Variants in SMTN observed in about 807,000 individuals in gnomAD.
SMTN encodes the protein smoothelin.
Under a neutral mutation model 102.0 loss-of-function variants are expected in SMTN, and 58 were observed. The ratio of observed to expected loss-of-function variants is 0.57; its 90% CI spans 0.46 to 0.71. The LOEUF (loss-of-function observed/expected upper bound fraction) is 0.71. SMTN is among the 30% of genes least tolerant of loss of function. SMTN has a pLI of 0.00. For synonymous variants in SMTN, 478 were observed against 497.9 expected, an observed-to-expected ratio of 0.96 and a Z score of 0.53; for missense variants, 1,185 against 1,241.7, an observed-to-expected ratio of 0.95 and a Z score of 0.69.
chr22:31,100,043 CCTT>C (rs35889287), intron 19 of SMTN, 147 bp downstream of exon 19: 123,379 of 769,218 alleles, frequency 0.16, 10,664 homozygotes, highest in Non-Finnish European at 0.17. Context: ...GAGTCCCCGT[CCTT>C]CTCCATCCCC....
Position 31,089,907 on chromosome 22 carries a change from C to T in SMTN, c.680C>T (p.Thr227Ile). ...GAGCCTGCCGAGGCCCAGTGCCTTACAGCTGAGGTTCCAGGCAGCCCAGAG... is the reference window on the plus strand; with the variant it reads ...GAGCCTGCCGAGGCCCAGTGCCTTATAGCTGAGGTTCCAGGCAGCCCAGAG... ...PLEPAEAQCL[T>I]AEVPGSPEPP... The change falls in exon 7 of 21, where the codon ACA becomes ATA. Residue 227 changes from threonine (T) to isoleucine (I), a missense_variant. Thr to Ile is a moderately conservative substitution (Grantham distance 89). This residue lies in a region of SMTN where 1,096 missense variants were observed against 1,112.7 expected (regional missense o/e 0.98). Transcript: ENST00000333137. 6.2e-7 allele frequency: 1 copy of T among 1,612,530 alleles called. No individual in the cohort carries two copies. Among genetic ancestry groups the T allele is most frequent in the Non-Finnish European group, 8.5e-7 (1 of 1,179,326 alleles).
chr22:31,100,187 C>T (rs2043959826), intron 19 of SMTN, among the ~76,000 whole-genome samples: 1 of 152,038 alleles, frequency 6.6e-6, no homozygotes, highest in Non-Finnish European at 1.5e-5. Context: ...CCCCCTTCTC[C>T]CTCTCTCTCC....
chr22:31,098,894 G>T, intron 17 of SMTN, 54 bp downstream of exon 17: 1 of 1,556,912 alleles, frequency 6.4e-7, no homozygotes, highest in Non-Finnish European at 8.7e-7. Context: ...TAGGCAGTGG[G>T]GGGCGGGGCT....
At chr22:31,079,801 T>C (rs183299332), upstream of SMTN, among the ~76,000 whole-genome samples, 120 of 152,356 alleles carry the variant, frequency 7.9e-4, 1 homozygote, top group Non-Finnish European at 1.4e-3. Flanking sequence ...TCTTGCTCTG[T>C]CGCTTAGGCT....
chr22:31,094,348 T>C (rs1025137313), intron 11 of SMTN, among the ~76,000 whole-genome samples: 4 of 152,298 alleles, frequency 2.6e-5, no homozygotes, highest in Admixed American at 6.5e-5. Flanking sequence ...GAGAGCTTCA[T>C]AGAGGTCTTG....
rs1377552710 is a variant in SMTN, at chr22:31,095,162, T to G, written c.1633-141T>G. On this transcript the variant is annotated intron_variant, in intron 11 of 20. Transcript: ENST00000333137. The surrounding 1 kb of genome is among the most constrained non-coding windows in gnomAD (Gnocchi z 4.1). ...CCTGACTGACGCTGACATGGCCATC[T>G]TTGGGCAGGCAGGCTGGCAGGCTAG... is the stretch of plus-strand genomic sequence containing the variant. 10 of 830,900 alleles carry G rather than the reference T, an allele frequency of 1.2e-5. No homozygotes were observed. Among genetic ancestry groups the G allele is most frequent in the Non-Finnish European group, 5.6e-6 (3 of 535,182 alleles). The allele number at this position is 830,900 out of a possible 1,614,324, so 51.5% of individuals were successfully genotyped here.
In SMTN at chr22:31,098,800, A is replaced by G. The variant is rs2043826385; in HGVS notation, c.2293A>G (p.Lys765Glu). 6.2e-7 allele frequency: 1 copy of G among 1,612,496 alleles called. No homozygotes were observed. Among genetic ancestry groups the G allele is most frequent in the African/African-American group, 1.3e-5 (1 of 74,896 alleles). The change falls in exon 17 of 21, where the codon AAG becomes GAG. Residue 765 changes from lysine to glutamate, a missense_variant. By Grantham distance (56) the Lys-to-Glu change is moderately conservative. Around this residue, in one of 2 missense-constraint regions of SMTN, gnomAD observed 1,096 missense variants for 1,112.7 expected, o/e 0.98. Coordinates refer to ENST00000333137, the MANE Select transcript of SMTN (RefSeq NM_134269.3). ...LPKTSASQAR[K>E]AMIEKLEKEG... Reference sequence around the variant, plus strand: ...CAAGACCTCAGCCTCCCAGGCGCGCAAGGCCATGATTGAGAAGCTGGAGAA... The same window carrying G: ...CAAGACCTCAGCCTCCCAGGCGCGCGAGGCCATGATTGAGAAGCTGGAGAA...
Position 31,095,586 on chromosome 22 carries a change from G to T in SMTN, c.1838G>T (p.Arg613Leu). 6.2e-7 allele frequency: 1 copy of T among 1,613,594 alleles called. No individual in the cohort carries two copies. The highest frequency in any genetic ancestry group is 8.5e-7 in the Non-Finnish European group (1 of 1,179,832). Reference sequence around the variant, plus strand: ...CGGAAGCTCATCCGGGCTGCACTTCGTGAGCTCCGACAAAGGAAGAGAGGT... The same window carrying T: ...CGGAAGCTCATCCGGGCTGCACTTCTTGAGCTCCGACAAAGGAAGAGAGGT... ...EERKLIRAAL[R>L]ELRQRKRDQR... Residue 613 changes from arginine (R) to leucine (L), a missense_variant, in exon 13 of 21, where the codon CGT becomes CTT. Physicochemically the swap from Arg to Leu is moderately radical, Grantham distance 102. Around this residue, in one of 2 missense-constraint regions of SMTN, gnomAD observed 1,096 missense variants for 1,112.7 expected, o/e 0.98. Coordinates refer to ENST00000333137, the MANE Select transcript of SMTN (RefSeq NM_134269.3). The surrounding 1 kb of genome is among the most constrained non-coding windows in gnomAD (Gnocchi z 4.1).
Position 31,088,063 on chromosome 22 carries a change from A to C in SMTN, c.150A>C (p.Ala50=), listed in dbSNP as rs1194396566. 6.8e-6 allele frequency: 11 copies of C among 1,611,778 alleles called. No individual in the cohort carries two copies. The highest frequency in any genetic ancestry group is 9.3e-6 in the Non-Finnish European group (11 of 1,178,538). The change falls in exon 3 of 21, where the codon GCA becomes GCC. Residue 50 remains alanine, a synonymous_variant. Coordinates refer to ENST00000333137, the MANE Select transcript of SMTN (RefSeq NM_134269.3). ...TGGAGCGCGAGGAGGAGGCCCTGGC[A>C]TCCAAGCGTTTCCGTGCCGAGCGGC... ...QELEREEEAL[A]SKRFRAERQD...
chr22:31,092,717 C>T (rs149099004), intron 11 of SMTN, among the ~76,000 whole-genome samples: 2 of 152,172 alleles, frequency 1.3e-5, no homozygotes, highest in Admixed American at 1.3e-4. Context: ...GTGGGGGGAC[C>T]CGCTGAGGCC....
upstream of SMTN, among the ~76,000 whole-genome samples, chr22:31,077,871 G>A (rs570900971): frequency 2.6e-5 from 4 of 152,336 alleles, no homozygotes; most frequent in South Asian, 8.3e-4. Context: ...CAGGTCCTCA[G>A]TCCCACTCCG....
chr22:31,071,667 T>C (rs1469506662), intron 1 of SMTN, among the ~76,000 whole-genome samples: 2 of 137,958 alleles, frequency 1.4e-5, no homozygotes, highest in Admixed American at 6.8e-5. Flanking sequence ...GGGAAATAGT[T>C]CTAGCTCTCT....
chr22:31,070,472 G>A (rs2041969463), intron 1 of SMTN, among the ~76,000 whole-genome samples: 1 of 151,768 alleles, frequency 6.6e-6, no homozygotes. Context: ...CATTTGCGTA[G>A]TCTGTTCCCC....
chr22:31,098,527 A>G, intron 16 of SMTN, 140 bp from the exon 17 acceptor site: 3 of 745,974 alleles, frequency 4.0e-6, no homozygotes, highest in Non-Finnish European at 6.5e-6. Context: ...TGTGATGAGG[A>G]CGCCTCCCTC....
At chr22:31,087,493 C>G (rs1296777804) in intron 2 of SMTN, among the ~76,000 whole-genome samples, 1 of 152,212 alleles carries the variant, frequency 6.6e-6, no homozygotes, top group Non-Finnish European at 1.5e-5. Context: ...CAGTCAACCC[C>G]CAGCTGGGCT....
At chr22:31,098,873 G>A (rs749405446) in intron 17 of SMTN, 33 bp downstream of exon 17, 1 of 1,541,012 alleles carries the variant, frequency 6.5e-7, no homozygotes, top group East Asian at 2.3e-5. Flanking sequence ...GCAGTGGGGG[G>A]CGGGGCGTGA....
chr22:31,075,291 G>T (rs1464869513), intron 1 of SMTN, among the ~76,000 whole-genome samples: 1 of 152,160 alleles, frequency 6.6e-6, no homozygotes, highest in Non-Finnish European at 1.5e-5. Context: ...CAAAGAAAGT[G>T]CTTAGCAGAG....
In SMTN at chr22:31,095,904, A is replaced by G. The variant is rs981334949; in HGVS notation, c.1861+295A>G. 4.1e-6 allele frequency: 2 copies of G among 486,100 alleles called. No homozygotes were observed. The highest frequency in any genetic ancestry group is 7.4e-6 in the Non-Finnish European group (2 of 271,650). 30.1% of individuals were successfully genotyped at this position (486,100 alleles called of 1,614,324 possible). A position where few individuals can be genotyped will look rare whatever the true frequency, so the allele number is the denominator to read the frequency against. ...CTCTCCTTGGATCCAGTTGCCTCTCAAAGTACTGTCAACGACTCCTTCCCT... is the reference window on the plus strand; with the variant it reads ...CTCTCCTTGGATCCAGTTGCCTCTCGAAGTACTGTCAACGACTCCTTCCCT... On this transcript the variant is annotated intron_variant, in intron 13 of 20. Coordinates refer to ENST00000333137, the MANE Select transcript of SMTN (RefSeq NM_134269.3). The surrounding 1 kb of genome is among the most constrained non-coding windows in gnomAD (Gnocchi z 4.1).
rs751874632 is a variant in SMTN, at chr22:31,089,865, C to G, written c.638C>G (p.Ser213Cys). The G allele has an allele frequency of 6.2e-7, 1 of 1,613,932 alleles. No homozygotes were observed. ...ASPSSSPTPASPEPPLEPAEA... is the reference protein window; with the variant it reads ...ASPSSSPTPACPEPPLEPAEA... ...CCCAGCAGTTCACCCACCCCTGCCTCTCCTGAGCCTCCATTGGAGCCTGCC... is the reference window on the plus strand; with the variant it reads ...CCCAGCAGTTCACCCACCCCTGCCTGTCCTGAGCCTCCATTGGAGCCTGCC... Residue 213 changes from serine (S) to cysteine (C), a missense_variant, in exon 7 of 21, where the codon TCT (serine) becomes TGT (cysteine). By Grantham distance (112) the Ser-to-Cys change is moderately radical. Around this residue, in one of 2 missense-constraint regions of SMTN, gnomAD observed 1,096 missense variants for 1,112.7 expected, o/e 0.98. Transcript: ENST00000333137.
Sources: gnomAD v4.1 joint callset for allele counts (sites outside exome capture counted in the v4.1 genomes callset) on GRCh38, gnomAD v4.1.1 for gene constraint, gnomAD v4.1.1 regional missense constraint, Gnocchi (gnomAD v3.1) non-coding constraint, MANE v1.5 for transcripts, NCBI Gene and HGNC (gene_info 2026-07-23, HGNC 2026-07-21) for gene names.